Variants in CRPPA observed in about 807,000 individuals in gnomAD.
CRPPA encodes the protein CDP-L-ribitol pyrophosphorylase A, also known as D-ribitol-5-phosphate cytidylyltransferase.
In CRPPA, 43 loss-of-function variants were observed where a neutral mutation model predicts 52.0. That is an observed-to-expected ratio of 0.83 (90% CI 0.65 to 1.07). The LOEUF is 1.07. Among genes scored for constraint, CRPPA ranks in the 50% least tolerant of loss-of-function variants. The probability of loss-of-function intolerance (pLI) is 0.00; values close to 1 mark genes in which losing one functional copy is unlikely to be tolerated. For synonymous variants in CRPPA, 250 were observed against 203.5 expected (o/e 1.23, Z -1.94); for missense variants, 629 against 551.7 (o/e 1.14, Z -1.40).
At chr7:16,153,151 T>C (rs1033453212) in intron 9 of CRPPA, among the ~76,000 whole-genome samples, 2 of 152,112 alleles carry the variant, frequency 1.3e-5, no homozygotes, top group African/African-American at 2.4e-5. Context: ...TTTTGGCTTA[T>C]CAAATTGAAT....
chr7:16,375,421 T>C (rs1375512896), intron 3 of CRPPA, among the ~76,000 whole-genome samples: 2 of 152,198 alleles, frequency 1.3e-5, no homozygotes, highest in Non-Finnish European at 2.9e-5. Flanking sequence ...CAGCAGCATT[T>C]CCAAAACATG....
intron 3 of CRPPA, among the ~76,000 whole-genome samples, chr7:16,373,164 C>T (rs938390050): frequency 6.6e-6 from 1 of 152,030 alleles, no homozygotes; most frequent in Non-Finnish European, 1.5e-5. Context: ...GGCATGGTGG[C>T]GGGCACCTGT....
intron 9 of CRPPA, among the ~76,000 whole-genome samples, chr7:16,113,743 T>A (rs1248952689): frequency 6.6e-6 from 1 of 151,334 alleles, no homozygotes; most frequent in East Asian, 2.0e-4. Flanking sequence ...CCAACATTAT[T>A]TTTCAAGATT....
intron 8 of CRPPA, among the ~76,000 whole-genome samples, chr7:16,240,186 T>TTG (rs1278256415): frequency 1.3e-5 from 2 of 151,060 alleles, no homozygotes; most frequent in African/African-American, 4.9e-5. Context: ...TTCCTCATTT[T>TTG]TGTGTTAGAA....
At chr7:16,102,549 T>C (rs1301690541) in intron 9 of CRPPA, among the ~76,000 whole-genome samples, 2 of 152,124 alleles carry the variant, frequency 1.3e-5, no homozygotes, top group Non-Finnish European at 1.5e-5. Flanking sequence ...ATTTTTGCCA[T>C]CTATCTGTCT....
intron 3 of CRPPA, among the ~76,000 whole-genome samples, chr7:16,343,959 G>A (rs1785937514): frequency 6.6e-6 from 1 of 152,136 alleles, no homozygotes; most frequent in African/African-American, 2.4e-5. Context: ...GGTTATTAAA[G>A]GAAATCTGTC....
chr7:16,146,671 A>C (rs1330302411), intron 9 of CRPPA, among the ~76,000 whole-genome samples: 2 of 152,204 alleles, frequency 1.3e-5, no homozygotes, highest in Non-Finnish European at 2.9e-5. Flanking sequence ...GTATTAATCC[A>C]AAGCGAAATG....
At chr7:16,141,821 T>G (rs1782878238) in intron 9 of CRPPA, among the ~76,000 whole-genome samples, 1 of 152,140 alleles carries the variant, frequency 6.6e-6, no homozygotes, top group African/African-American at 2.4e-5. Flanking sequence ...AGAAGTTTAT[T>G]TTCAGAGGCT....
At position 16,360,144 on chromosome 7, in the gene CRPPA, G is replaced by C. The variant is rs576236876; in HGVS notation, c.684+15948C>G. ...TTCCTACGGAACAAGTGTGAACTAGGATAAAAGTATTTTTTAGAAAGTAGT... is the reference window on the plus strand; with the variant it reads ...TTCCTACGGAACAAGTGTGAACTAGCATAAAAGTATTTTTTAGAAAGTAGT... On this transcript the variant is annotated intron_variant, in intron 3 of 9. Coordinates refer to ENST00000407010, the MANE Select transcript of CRPPA (RefSeq NM_001101426.4). Among the ~76,000 whole-genome samples, 10 of 152,288 alleles carry C rather than the reference G, an allele frequency of 6.6e-5. No homozygotes were observed. The South Asian group carries it at 1.9e-3, about 28-fold the overall frequency.
At chr7:16,115,585 C>CTTTT (rs1782354152) in intron 9 of CRPPA, among the ~76,000 whole-genome samples, 1 of 152,142 alleles carries the variant, frequency 6.6e-6, no homozygotes, top group Non-Finnish European at 1.5e-5. Context: ...TGCTCAGGAT[C>CTTTT]TTGGTTTCTA....
intron 8 of CRPPA, among the ~76,000 whole-genome samples, chr7:16,246,736 C>A (rs2128408318): frequency 6.6e-6 from 1 of 152,310 alleles, no homozygotes; most frequent in African/African-American, 2.4e-5. Flanking sequence ...TCTTTGTGAG[C>A]ATTAAGTCTC....
intron 9 of CRPPA, among the ~76,000 whole-genome samples, chr7:16,121,893 T>C (rs368670117): frequency 6.6e-6 from 1 of 152,116 alleles, no homozygotes; most frequent in East Asian, 1.9e-4. Context: ...ATCTGTTTTA[T>C]ATTGAGAAAT....
At chr7:16,418,354 AAGT>A in intron 1 of CRPPA, among the ~76,000 whole-genome samples, 1 of 152,364 alleles carries the variant, frequency 6.6e-6, no homozygotes, top group South Asian at 2.1e-4. Context: ...AGTTAAGTAA[AAGT>A]AGAAGACAAA....
At chr7:16,254,833 GAA>G (rs1783585290) in intron 8 of CRPPA, among the ~76,000 whole-genome samples, 3 of 149,254 alleles carry the variant, frequency 2.0e-5, no homozygotes, top group Non-Finnish European at 4.5e-5. Flanking sequence ...AAGAAAGAAA[GAA>G]AGAAAGAAAG....
chr7:16,299,029 G>A (rs766796771), intron 5 of CRPPA, among the ~76,000 whole-genome samples: 8 of 152,280 alleles, frequency 5.3e-5, no homozygotes, highest in Non-Finnish European at 1.0e-4. Context: ...ATCATCACGT[G>A]AGCCAATCCC....
chr7:16,284,590 A>AG (rs1325700797), intron 5 of CRPPA, among the ~76,000 whole-genome samples: 1 of 152,126 alleles, frequency 6.6e-6, no homozygotes, highest in African/African-American at 2.4e-5. Flanking sequence ...CATCCCACTA[A>AG]GGCTTTGTTT....
intron 2 of CRPPA, among the ~76,000 whole-genome samples, chr7:16,400,033 C>T (rs574809391): frequency 3.1e-4 from 47 of 152,248 alleles, no homozygotes; most frequent in African/African-American, 8.2e-4. Flanking sequence ...ATGATTAGTA[C>T]GTGACGAATA....
intron 3 of CRPPA, among the ~76,000 whole-genome samples, chr7:16,367,171 A>AT (rs1405615418): frequency 3.1e-5 from 3 of 95,554 alleles, no homozygotes; most frequent in African/African-American, 1.3e-4. Flanking sequence ...ATTTGTCAAA[A>AT]TTTAAAAAAA....
intron 9 of CRPPA, among the ~76,000 whole-genome samples, chr7:16,206,486 T>C (rs1781976321): frequency 6.6e-6 from 1 of 152,196 alleles, no homozygotes; most frequent in Non-Finnish European, 1.5e-5. Flanking sequence ...TTTTGAAAGA[T>C]TTGTCTGTAC....
Sources: gnomAD v4.1 joint callset for allele counts (sites outside exome capture counted in the v4.1 genomes callset) on GRCh38, gnomAD v4.1.1 for gene constraint, MANE v1.5 for transcripts, NCBI Gene and HGNC (gene_info 2026-07-23, HGNC 2026-07-21) for gene names.